CNOT6L: variants seen among roughly 807,000 people sequenced by gnomAD.
CNOT6L encodes CCR4-NOT transcription complex subunit 6-like.
Under a neutral mutation model 64.0 loss-of-function variants are expected in CNOT6L, and 7 were observed. That is an observed-to-expected ratio of 0.11 (90% confidence interval 0.06 to 0.21). The LOEUF (loss-of-function observed/expected upper bound fraction) is 0.21, where lower values mean the gene tolerates loss of function less well. Among genes scored for constraint, CNOT6L ranks in the 10% least tolerant of loss-of-function variants. The pLI, the probability that CNOT6L is intolerant of heterozygous loss-of-function variation, is 1.00. For missense variants in CNOT6L, 245 were observed against 669.0 expected, an observed-to-expected ratio of 0.37 and a Z score of 6.99; for synonymous variants, 193 against 243.4, an observed-to-expected ratio of 0.79 and a Z score of 1.93.
At chr4:77,817,688 T>C (rs938406659) in intron 1 of CNOT6L, among the ~76,000 whole-genome samples, 6 of 152,232 alleles carry the variant, frequency 3.9e-5, no homozygotes, top group East Asian at 1.9e-4. Flanking sequence ...TATGTTAAAT[T>C]GTTTTTCCAG....
chr4:77,815,402 C>T (rs1733451788), intron 1 of CNOT6L, among the ~76,000 whole-genome samples: 1 of 152,052 alleles, frequency 6.6e-6, no homozygotes, highest in Non-Finnish European at 1.5e-5. Context: ...TCATTTAAGC[C>T]CCTCAGTGAT....
chr4:77,722,793 G>T (rs17002797), intron 11 of CNOT6L, among the ~76,000 whole-genome samples: 3,137 of 151,926 alleles, frequency 0.021, 107 homozygotes, highest in African/African-American at 0.07. Context: ...CTATGAGGAG[G>T]ATCCCTAACT....
At chr4:77,816,519 T>C (rs1733594536) in intron 1 of CNOT6L, among the ~76,000 whole-genome samples, 1 of 152,088 alleles carries the variant, frequency 6.6e-6, no homozygotes, top group African/African-American at 2.4e-5. Context: ...TAGTTGCCCC[T>C]AGTTATTTAT....
At chr4:77,773,800 A>G (rs1042596498) in intron 3 of CNOT6L, among the ~76,000 whole-genome samples, 1 of 152,138 alleles carries the variant, frequency 6.6e-6, no homozygotes, top group African/African-American at 2.4e-5. Context: ...AAATATTAAA[A>G]TAAAGCATAG....
intron 7 of CNOT6L, among the ~76,000 whole-genome samples, chr4:77,743,299 T>C (rs1455439381): frequency 6.6e-6 from 1 of 152,086 alleles, no homozygotes; most frequent in African/African-American, 2.4e-5. Flanking sequence ...GTTCTATCCT[T>C]CAAACTGCTA....
At chr4:77,786,003 G>A (rs190429313) in intron 1 of CNOT6L, among the ~76,000 whole-genome samples, 127 of 152,290 alleles carry the variant, frequency 8.3e-4, no homozygotes, top group Non-Finnish European at 1.2e-3. Flanking sequence ...TAACATGGCC[G>A]GGTGCGGTGG....
intron 3 of CNOT6L, 107 bp downstream of exon 3, chr4:77,774,423 T>C: frequency 1.1e-6 from 1 of 877,220 alleles, no homozygotes; most frequent in Non-Finnish European, 1.7e-6. Context: ...GTTTATATAA[T>C]TTGATAGTTA....
chr4:77,759,455 C>T (rs1725928249), intron 4 of CNOT6L, among the ~76,000 whole-genome samples: 1 of 151,744 alleles, frequency 6.6e-6, no homozygotes, highest in Non-Finnish European at 1.5e-5. Context: ...GTCCCAGCTA[C>T]TTGGGAAGCT....
chr4:77,788,492 C>A (rs1384850578), intron 1 of CNOT6L, among the ~76,000 whole-genome samples: 1 of 152,268 alleles, frequency 6.6e-6, no homozygotes, highest in East Asian at 1.9e-4. Flanking sequence ...CTTTGGGAAG[C>A]CAAGGCAGGC....
chr4:77,747,970 T>C (rs963889767), intron 6 of CNOT6L, among the ~76,000 whole-genome samples: 1 of 152,166 alleles, frequency 6.6e-6, no homozygotes, highest in African/African-American at 2.4e-5. Context: ...CCCAATACTC[T>C]CTATGAAGAT....
chr4:77,737,406 C>CTTTTTTTT (rs56952956), intron 8 of CNOT6L, among the ~76,000 whole-genome samples: 15 of 82,380 alleles, frequency 1.8e-4, no homozygotes, highest in African/African-American at 6.6e-4. Context: ...TTGTACCGTT[C>CTTTTTTTT]TTTTTTTTTT....
intron 1 of CNOT6L, among the ~76,000 whole-genome samples, chr4:77,816,066 G>A (rs1437979378): frequency 1.3e-5 from 2 of 152,160 alleles, no homozygotes; most frequent in African/African-American, 4.8e-5. Flanking sequence ...ATTTTGGAAA[G>A]ATTGCTTAAA....
chr4:77,782,118 TATTG>T (rs1414601063), intron 1 of CNOT6L, among the ~76,000 whole-genome samples: 1 of 152,202 alleles, frequency 6.6e-6, no homozygotes, highest in Non-Finnish European at 1.5e-5. Context: ...ATCTGTCTTA[TATTG>T]GCATTTATTC....
chr4:77,783,170 A>AAC (rs1553895258), intron 1 of CNOT6L, among the ~76,000 whole-genome samples: 1 of 150,094 alleles, frequency 6.7e-6, no homozygotes, highest in Non-Finnish European at 1.5e-5. Context: ...AAAAAAAAAA[A>AAC]CACATGTTTT....
intron 1 of CNOT6L, among the ~76,000 whole-genome samples, chr4:77,808,776 G>C (rs1037172319): frequency 6.6e-6 from 1 of 151,982 alleles, no homozygotes; most frequent in Non-Finnish European, 1.5e-5. Flanking sequence ...ACTTATCCCT[G>C]TAGTTTAAAA....
At chr4:77,819,135 A>C in intron 1 of CNOT6L, 169 bp downstream of exon 1, 1 of 1,292,022 alleles carries the variant, frequency 7.7e-7, no homozygotes, top group Admixed American at 2.1e-5. Flanking sequence ...CCCTCCAGTC[A>C]CCCGACACAC....
chr4:77,797,764 T>C (rs1731035284), intron 1 of CNOT6L, among the ~76,000 whole-genome samples: 2 of 152,162 alleles, frequency 1.3e-5, no homozygotes, highest in Admixed American at 1.3e-4. Context: ...CAGAAATTCA[T>C]GTGGTAACTG....
At position 77,751,427 on chromosome 4, in the gene CNOT6L, T is replaced by C. The variant is rs1028015492; in HGVS notation, c.491-3043A>G. 4.1e-4 allele frequency among the ~76,000 whole-genome samples: 63 copies of C among 152,126 alleles called. 1 individual carries two copies. The highest frequency in any genetic ancestry group is 6.5e-5 in the Admixed American group (1 of 15,278). The stretch of plus-strand genomic sequence containing the variant: ...AATTTTTTAAAAATATCTAGATTAG[T>C]ATTATCAGAGTTCCAGAAGGACAGG... On this transcript the variant is annotated intron_variant, in intron 5 of 11. Coordinates refer to ENST00000504123, the MANE Select transcript of CNOT6L (RefSeq NM_144571.3).
intron 5 of CNOT6L, among the ~76,000 whole-genome samples, chr4:77,750,543 C>T (rs573891955): frequency 6.6e-5 from 10 of 151,970 alleles, no homozygotes; most frequent in Admixed American, 6.6e-5. Flanking sequence ...TCAGTAGAGA[C>T]GTGGTTTCAC....
Sources: allele counts gnomAD v4.1 joint callset (sites outside exome capture counted in the v4.1 genomes callset), GRCh38; gene constraint gnomAD v4.1.1; transcripts MANE v1.5; gene names NCBI Gene and HGNC (gene_info 2026-07-23, HGNC 2026-07-21).